The following RPE65 variants were observed in gnomAD, a reference collection of about 807,000 sequenced individuals.
RPE65 encodes retinoid isomerohydrolase RPE65, also known as retinoid isomerohydrolase.
A neutral mutation model predicts 68.5 loss-of-function variants in RPE65; 58 were observed. The ratio of observed to expected loss-of-function variants is 0.85; its 90% confidence interval spans 0.69 to 1.05. The LOEUF (loss-of-function observed/expected upper bound fraction) is 1.05. RPE65 is among the 50% of genes least tolerant of loss of function. The probability of loss-of-function intolerance (pLI) is 0.00; values close to 1 mark genes in which losing one functional copy is unlikely to be tolerated. For synonymous variants in RPE65, 220 were observed against 222.2 expected (o/e 0.99, Z 0.09); for missense variants, 643 against 629.9 (o/e 1.02, Z -0.22).
chr1:68,431,675 C>G (rs566166623), intron 10 of RPE65, 90 bp from the exon 11 acceptor site: 1 of 1,106,040 alleles, frequency 9.0e-7, no homozygotes, highest in East Asian at 2.4e-5. Flanking sequence ...CTCCTAAGTT[C>G]TTTTTTAGGT....
rs771504682 is a variant in RPE65, at chr1:68,431,151, T to C, written c.1364A>G (p.Lys455Arg). 1.1e-5 allele frequency: 17 copies of C among 1,613,710 alleles called. No individual in the cohort carries two copies. The highest frequency in any genetic ancestry group is 1.4e-5 in the Non-Finnish European group (17 of 1,179,822). Residue 455 changes from lysine (K) to arginine (R), a missense_variant, in exon 13 of 14, where the codon AAA becomes AGA. Coordinates refer to ENST00000262340, the MANE Select transcript of RPE65 (RefSeq NM_000329.3). ...DRLCKLNVKTKETWVWQEPDS... is the reference protein window; with the variant it reads ...DRLCKLNVKTRETWVWQEPDS... ...AGGCTCTTGCCAAACCCAAGTTTCT[T>C]TAGTTTTGACATTCAGCTTACAGAG...
Position 68,439,611 on chromosome 1 carries a change from G to A in RPE65, c.675C>T (p.Ile225=), listed in dbSNP as rs114379164. The stretch of plus-strand genomic sequence containing the variant: ...GGTCACTGCAGGGGAATTGTACAAC[G>A]ATCTCTGACTTGCTTATTGGATCTT... ...DKEDPISKSE[I]VVQFPCSDRF... is the part of the protein sequence containing the mutation. The change falls in exon 7 of 14, where the codon ATC becomes ATT. Residue 225 remains isoleucine (I), a synonymous_variant. Transcript: ENST00000262340. 10 of 1,613,852 alleles carry A rather than the reference G, an allele frequency of 6.2e-6. No individual in the cohort carries two copies. The highest frequency in any genetic ancestry group is 1.7e-5 in the Admixed American group (1 of 59,992).
chr1:68,438,227 G>C lies in RPE65; in HGVS notation c.1088C>G (p.Pro363Arg). ...VKKNARKAPQPEVRRYVLPLN... is the reference protein window; with the variant it reads ...VKKNARKAPQREVRRYVLPLN... ...AGGAAGTACATATCTCCTAACTTCAGGTTGGGGAGCCTTTCTGGCATTTTT... is the reference window on the plus strand; with the variant it reads ...AGGAAGTACATATCTCCTAACTTCACGTTGGGGAGCCTTTCTGGCATTTTT... The change falls in exon 10 of 14, where the codon CCT (proline) becomes CGT (arginine). Residue 363 changes from proline (P) to arginine (R), a missense_variant. Pro to Arg is a moderately radical substitution (Grantham distance 103, BLOSUM62 -2). Transcript: ENST00000262340. 2 of 1,613,958 alleles carry C rather than the reference G, an allele frequency of 1.2e-6. No homozygotes were observed. Among genetic ancestry groups the C allele is most frequent in the Non-Finnish European group, 8.5e-7 (1 of 1,179,954 alleles).
intron 10 of RPE65, among the ~76,000 whole-genome samples, chr1:68,435,578 T>C (rs1645857135): frequency 6.6e-6 from 1 of 152,214 alleles, no homozygotes; most frequent in Non-Finnish European, 1.5e-5. Flanking sequence ...TTTACTTTAC[T>C]ACTTTTGCCT....
At chr1:68,438,402 C>T in intron 9 of RPE65, 86 bp from the exon 10 acceptor site, 3 of 1,483,728 alleles carry the variant, frequency 2.0e-6, no homozygotes, top group Non-Finnish European at 2.8e-6. Flanking sequence ...GCACAAGTGC[C>T]TGCCTGTTCT....
intron 5 of RPE65, 121 bp downstream of exon 5, chr1:68,444,409 TG>T: frequency 7.9e-7 from 1 of 1,265,356 alleles, no homozygotes; most frequent in Non-Finnish European, 1.1e-6. Flanking sequence ...GAGCTTGGAA[TG>T]GTCATTCTGT....
rs762186209 is a variant in RPE65 at position 68,439,272 on chromosome 1, A to G, written c.777T>C (p.Ile259=). ...YIVFVETPVK[I]NLFKFLSSWS... ...ATGAAGAAAGGAACTTGAACAGGTT[A>G]ATTTTGACTGGTGTCTCCACAAAAA... Residue 259 remains isoleucine (I), a synonymous_variant, in exon 8 of 14, where the codon ATT becomes ATC. Coordinates refer to ENST00000262340, the MANE Select transcript of RPE65 (RefSeq NM_000329.3). The G allele has an allele frequency of 1.9e-6, 3 of 1,613,998 alleles. No homozygotes were observed. The East Asian group carries it at 6.7e-5, about 36-fold the overall frequency.
At position 68,438,929 on chromosome 1, in the gene RPE65, T is replaced by A. The variant is rs773899086; in HGVS notation, c.998+13A>T. The A allele has an allele frequency of 6.2e-7, 1 of 1,613,924 alleles. No homozygotes were observed. Among genetic ancestry groups the A allele is most frequent in the South Asian group, 1.1e-5 (1 of 91,092 alleles). ...AATGGGAGGTGTCCCATTTGTCCAG[T>A]GTCCTTTCTTACCCTTTCCAGCAGC... On this transcript the variant is annotated intron_variant, in intron 9 of 13. Transcript: ENST00000262340.
chr1:68,444,610 A>C lies in RPE65; in HGVS notation c.416T>G (p.Val139Gly). Reference sequence around the variant, plus strand: ...TGTGCAAGCGTAGTAATCTTCCCCCACTGGGTAGACATTAACAAGGGCATT... The same window carrying C: ...TGTGCAAGCGTAGTAATCTTCCCCCCCTGGGTAGACATTAACAAGGGCATT... ...TDNALVNVYP[V>G]GEDYYACTET... The change falls in exon 5 of 14, where the codon GTG becomes GGG. Residue 139 changes from valine (V) to glycine (G), a missense_variant. Physicochemically the swap from Val to Gly is moderately radical, Grantham distance 109 (BLOSUM62 -3). Coordinates refer to ENST00000262340, the MANE Select transcript of RPE65 (RefSeq NM_000329.3). The C allele has an allele frequency of 6.2e-7, 1 of 1,614,086 alleles. No homozygotes were observed. Among genetic ancestry groups the C allele is most frequent in the South Asian group, 1.1e-5 (1 of 91,070 alleles).
Position 68,438,247 on chromosome 1 carries a change from A to T in RPE65, c.1068T>A (p.Asn356Lys). 1 of 1,612,952 alleles carries T rather than the reference A, an allele frequency of 6.2e-7. No homozygotes were observed. The highest frequency in any genetic ancestry group is 8.5e-7 in the Non-Finnish European group (1 of 1,179,268). ...CTTCAGGTTGGGGAGCCTTTCTGGC[A>T]TTTTTTTTCACCTCTTCCCAGTTCT... ...LRENWEEVKK[N>K]ARKAPQPEVR... Residue 356 changes from asparagine (N) to lysine (K), a missense_variant, in exon 10 of 14, where the codon AAT becomes AAA. Coordinates refer to ENST00000262340, the MANE Select transcript of RPE65 (RefSeq NM_000329.3).
At chr1:68,433,628 T>G (rs1645841257) in intron 10 of RPE65, among the ~76,000 whole-genome samples, 1 of 152,050 alleles carries the variant, frequency 6.6e-6, no homozygotes, top group Non-Finnish European at 1.5e-5. Flanking sequence ...TGTGGAATAT[T>G]TAACTAGCAA....
chr1:68,445,598 C>A (rs2100829622), intron 3 of RPE65, among the ~76,000 whole-genome samples: 1 of 152,186 alleles, frequency 6.6e-6, no homozygotes, highest in East Asian at 1.9e-4. Context: ...ACTGCAACCT[C>A]CGCCTCCTGG....
chr1:68,444,993 T>C (rs1645931867), intron 3 of RPE65, 110 bp from the exon 4 acceptor site: 1 of 896,240 alleles, frequency 1.1e-6, no homozygotes, highest in East Asian at 2.5e-5. Flanking sequence ...CAATCATAAA[T>C]GCACAACATG....
Position 68,429,798 on chromosome 1 carries a change from T to C in RPE65, c.1580A>G (p.His527Arg), listed in dbSNP as rs1194458561. ...TGCTCAAGATTTTTTGAACAGTCCA[T>C]GAAAGGTGACAGGGATGTTAATCTC... ...EVEINIPVTF[H>R]GLFKKS The change falls in exon 14 of 14, where the codon CAT (histidine) becomes CGT (arginine). Residue 527 changes from histidine to arginine, a missense_variant. By Grantham distance (29) the His-to-Arg change is conservative. Coordinates refer to ENST00000262340, the MANE Select transcript of RPE65 (RefSeq NM_000329.3). 3 of 1,613,712 alleles carry C rather than the reference T, an allele frequency of 1.9e-6. No homozygotes were observed. The highest frequency in any genetic ancestry group is 2.5e-6 in the Non-Finnish European group (3 of 1,179,726).
intron 10 of RPE65, 145 bp from the exon 11 acceptor site, chr1:68,431,730 T>G (rs993661107): frequency 4.2e-6 from 3 of 721,808 alleles, no homozygotes; most frequent in Non-Finnish European, 7.4e-6. Flanking sequence ...TGAGGGACCC[T>G]GGGACGCGAC....
intron 9 of RPE65, 33 bp from the exon 10 acceptor site, chr1:68,438,349 G>T (rs371503220): frequency 6.2e-7 from 1 of 1,607,082 alleles, no homozygotes; most frequent in Non-Finnish European, 8.5e-7. Flanking sequence ...ATGAGCACAG[G>T]CAATGACAAA....
chr1:68,433,135 C>A (rs150082696), intron 10 of RPE65, among the ~76,000 whole-genome samples: 2 of 152,146 alleles, frequency 1.3e-5, no homozygotes, highest in African/African-American at 2.4e-5. Context: ...GTGGAGCTGG[C>A]GCTAGCAGGT....
chr1:68,441,149 AC>A (rs1645899857), intron 5 of RPE65, 149 bp from the exon 6 acceptor site: 2 of 926,246 alleles, frequency 2.2e-6, no homozygotes, highest in South Asian at 3.3e-5. Flanking sequence ...ACCCTCTTTC[AC>A]CTTGAGTTCC....
chr1:68,430,750 C>T (rs1001966191), intron 13 of RPE65, among the ~76,000 whole-genome samples: 1 of 151,964 alleles, frequency 6.6e-6, no homozygotes, highest in South Asian at 2.1e-4. Flanking sequence ...AATATGTCTT[C>T]GTCAGGGAAG....
Sources: gnomAD v4.1 joint callset for allele counts (sites outside exome capture counted in the v4.1 genomes callset) on GRCh38, gnomAD v4.1.1 for gene constraint, MANE v1.5 for transcripts, NCBI Gene and HGNC (gene_info 2026-07-23, HGNC 2026-07-21) for gene names.